The following CEP295 variants were observed in gnomAD, a reference collection of about 807,000 sequenced individuals.
CEP295 encodes centrosomal protein 295.
Under a neutral mutation model 291.6 loss-of-function variants are expected in CEP295, and 190 were observed. That is an observed-to-expected ratio of 0.65 (90% CI 0.58 to 0.73). The LOEUF (loss-of-function observed/expected upper bound fraction) is 0.73. Among genes scored for constraint, CEP295 ranks in the 30% least tolerant of loss-of-function variants. The probability of loss-of-function intolerance (pLI) is 0.00; values close to 1 mark genes in which losing one functional copy is unlikely to be tolerated. For missense variants in CEP295, 2,863 were observed against 2,949.4 expected (o/e 0.97, Z 0.68); for synonymous variants, 993 against 1,038.8 (o/e 0.96, Z 0.85).
rs892553139 is a variant in CEP295, at chr11:93,729,399, A to G, written c.7303-35A>G. 2.1e-5 allele frequency: 30 copies of G among 1,429,620 alleles called. No individual in the cohort carries two copies. The East Asian group carries it at 7.5e-4, about 36-fold the overall frequency. The allele number at this position is 1,429,620 out of a possible 1,614,324, so 88.6% of individuals were successfully genotyped here. On this transcript the variant is annotated intron_variant, in intron 25 of 29. Transcript: ENST00000325212. Reference sequence around the variant, plus strand: ...AGAGCAAGACCCGCTTAAAGCGTTTAAAAAGAGTAAAACATGCAACTTTCT... The same window carrying G: ...AGAGCAAGACCCGCTTAAAGCGTTTGAAAAGAGTAAAACATGCAACTTTCT...
Position 93,698,180 on chromosome 11 carries a change from G to A in CEP295, c.3268G>A (p.Gly1090Arg). ...ELLLHRQRDL[G>R]DSKSGLVSSS... is the part of the protein sequence containing the mutation. ...ACTTTTACATAGACAAAGAGATTTG[G>A]GGGACAGTAAGTCTGGGCTGGTGAG... is the stretch of plus-strand genomic sequence containing the variant. Residue 1090 changes from glycine to arginine, a missense_variant, in exon 15 of 30, where the codon GGG becomes AGG. By Grantham distance (125) the Gly-to-Arg change is moderately radical (BLOSUM62 -2). Around this residue, in one of 3 missense-constraint regions of CEP295, gnomAD observed 2,295 missense variants for 2,335.7 expected, o/e 0.98. Coordinates refer to ENST00000325212, the MANE Select transcript of CEP295 (RefSeq NM_033395.2). 1 of 1,552,048 alleles carries A rather than the reference G, an allele frequency of 6.4e-7. No homozygotes were observed. The highest frequency in any genetic ancestry group is 2.0e-5 in the Admixed American group (1 of 51,006).
At chr11:93,688,638 A>C (rs1189653354) in intron 10 of CEP295, among the ~76,000 whole-genome samples, 1 of 152,120 alleles carries the variant, frequency 6.6e-6, no homozygotes, top group Non-Finnish European at 1.5e-5. Context: ...CATCTCCATA[A>C]TGACTAACCA....
At position 93,669,717 on chromosome 11, in the gene CEP295, G is replaced by A; in HGVS notation, c.475G>A (p.Glu159Lys). 1 of 1,550,834 alleles carries A rather than the reference G, an allele frequency of 6.4e-7. No homozygotes were observed. Among genetic ancestry groups the A allele is most frequent in the Non-Finnish European group, 8.7e-7 (1 of 1,146,316 alleles). Residue 159 changes from glutamate (E) to lysine (K), a missense_variant, in exon 5 of 30, where the codon GAG becomes AAG. This residue lies in a region of CEP295 where 554 missense variants were observed against 576.0 expected (regional missense o/e 0.96). Coordinates refer to ENST00000325212, the MANE Select transcript of CEP295 (RefSeq NM_033395.2). ...AAAGGAAGCACTGCTTGTGGAAAAA[G>A]AGAGATCAGCCAAAATTACAAGTCT... ...ARKEALLVEK[E>K]RSAKITSLPP...
intron 16 of CEP295, 60 bp downstream of exon 16, chr11:93,702,697 G>A: frequency 2.5e-5 from 38 of 1,532,140 alleles, no homozygotes; most frequent in Non-Finnish European, 3.3e-5. Flanking sequence ...TTCGTCCCCT[G>A]TAGCTTGCTA....
At chr11:93,705,331 G>C (rs1952444740) in intron 17 of CEP295, among the ~76,000 whole-genome samples, 1 of 152,114 alleles carries the variant, frequency 6.6e-6, no homozygotes, top group African/African-American at 2.4e-5. Flanking sequence ...TATATTTGTG[G>C]TTATTAAAAC....
At chr11:93,722,198 G>A in intron 20 of CEP295, 148 bp downstream of exon 20, 1 of 624,142 alleles carries the variant, frequency 1.6e-6, no homozygotes, top group Non-Finnish European at 2.8e-6. Context: ...GCCAGGCGTG[G>A]TGCCTCACGC....
At position 93,724,288 on chromosome 11, in the gene CEP295, G is replaced by C. The variant is rs2135335299; in HGVS notation, c.6231G>C (p.Gln2077His). 1 of 1,550,388 alleles carries C rather than the reference G, an allele frequency of 6.4e-7. No individual in the cohort carries two copies. Among genetic ancestry groups the C allele is most frequent in the South Asian group, 1.2e-5 (1 of 83,800 alleles). ...LEHIFPNLHHQLFKPLEPHPD... is the reference protein window; with the variant it reads ...LEHIFPNLHHHLFKPLEPHPD... The stretch of plus-strand genomic sequence containing the variant: ...ACATTTTTCCTAATTTGCATCATCA[G>C]CTGTTTAAACCCTTAGAACCACATC... Residue 2077 changes from glutamine to histidine, a missense_variant, in exon 22 of 30, where the codon CAG (glutamine) becomes CAC (histidine). Physicochemically the swap from Gln to His is conservative, Grantham distance 24 (BLOSUM62 0). Transcript: ENST00000325212.
In CEP295 at chr11:93,730,230, G is replaced by C. The variant is rs746325187; in HGVS notation, c.7768-1G>C. The C allele has an allele frequency of 1.3e-6, 2 of 1,551,206 alleles. No homozygotes were observed. Among genetic ancestry groups the C allele is most frequent in the African/African-American group, 1.4e-5 (1 of 73,124 alleles). ...AACTCAAATTTTTATTCCTTCCACA[G>C]AAAACACTAGAGAAACTTCGAGCCA... On this transcript the variant is annotated splice_acceptor_variant, in intron 29 of 29. Transcript: ENST00000325212. LOFTEE classifies it high-confidence loss of function.
intron 24 of CEP295, 198 bp downstream of exon 24, chr11:93,727,835 A>G (rs963272668): frequency 1.6e-5 from 8 of 488,988 alleles, no homozygotes; most frequent in Non-Finnish European, 2.9e-5. Flanking sequence ...ACCTGAAACA[A>G]AATACAAGCA....
Position 93,679,422 on chromosome 11 carries a change from G to A in CEP295, c.635G>A (p.Arg212His), listed in dbSNP as rs934311260. ...TTGATTGACTGCTAGCCAGATGCTC[G>A]TTTGGCTGCTGAAGAGGAAGCTAAA... ...RETDTKRPDA[R>H]LAAEEEAKRL... is the part of the protein sequence containing the mutation. Residue 212 changes from arginine to histidine, a missense_variant, in exon 7 of 30, where the codon CGT becomes CAT. Transcript: ENST00000325212. 1.2e-5 allele frequency: 19 copies of A among 1,548,880 alleles called. No homozygotes were observed. The highest frequency in any genetic ancestry group is 2.5e-5 in the East Asian group (1 of 40,816).
chr11:93,687,626 C>T lies in CEP295; in HGVS notation c.1115-18C>T, dbSNP rs1435139099. ...CAATAGATGCTAAATAAGTTTTTTC[C>T]CTTTTTCTTTCTTTTAGTTCCCTTG... On this transcript the variant is annotated intron_variant, in intron 9 of 29. Coordinates refer to ENST00000325212, the MANE Select transcript of CEP295 (RefSeq NM_033395.2). The T allele has an allele frequency of 2.9e-6, 4 of 1,389,728 alleles. No homozygotes were observed. Among genetic ancestry groups the T allele is most frequent in the African/African-American group, 1.5e-5 (1 of 68,570 alleles). The allele number at this position is 1,389,728 out of a possible 1,614,324, so 86.1% of individuals were successfully genotyped here.
chr11:93,717,814 A>G (rs1230446476), intron 18 of CEP295, among the ~76,000 whole-genome samples: 2 of 152,146 alleles, frequency 1.3e-5, no homozygotes, highest in African/African-American at 2.4e-5. Flanking sequence ...GTTTAACAGA[A>G]CACCAGGGCA....
chr11:93,718,374 A>T (rs1245972353), intron 18 of CEP295, among the ~76,000 whole-genome samples: 2 of 152,252 alleles, frequency 1.3e-5, no homozygotes, highest in Non-Finnish European at 2.9e-5. Flanking sequence ...GCATGGCATG[A>T]AAAGATAGCA....
intron 21 of CEP295, 79 bp downstream of exon 21, chr11:93,723,368 G>C: frequency 1.9e-6 from 2 of 1,064,294 alleles, no homozygotes; most frequent in South Asian, 1.7e-5. Context: ...ATTTTATGCA[G>C]TGATTGTTTG....
rs1952045662 is a variant in CEP295, at chr11:93,699,894, C to T, written c.4982C>T (p.Ala1661Val). 1 of 1,551,872 alleles carries T rather than the reference C, an allele frequency of 6.4e-7. No homozygotes were observed. Among genetic ancestry groups the T allele is most frequent in the Non-Finnish European group, 8.7e-7 (1 of 1,147,028 alleles). ...CATTCGTTTATTCCACTACCTTTTG[C>T]AGAAGCTAAACCTAAAAGCACTTGT... is the stretch of plus-strand genomic sequence containing the variant. ...TEHSFIPLPF[A>V]EAKPKSTCEL... The change falls in exon 15 of 30, where the codon GCA becomes GTA. Residue 1661 changes from alanine to valine, a missense_variant. Physicochemically the swap from Ala to Val is moderately conservative, Grantham distance 64 (BLOSUM62 0). This residue lies in a region of CEP295 where 2,295 missense variants were observed against 2,335.7 expected (regional missense o/e 0.98). Transcript: ENST00000325212.
At chr11:93,707,731 A>G (rs1952607549) in intron 18 of CEP295, among the ~76,000 whole-genome samples, 1 of 152,142 alleles carries the variant, frequency 6.6e-6, no homozygotes, top group African/African-American at 2.4e-5. Flanking sequence ...CCTGGGCGAC[A>G]GAGCGAGACT....
chr11:93,696,212 T>TA, intron 13 of CEP295, 108 bp from the exon 14 acceptor site: 1 of 622,642 alleles, frequency 1.6e-6, no homozygotes, highest in East Asian at 2.9e-5. Flanking sequence ...AGTCATTTTA[T>TA]AAAAAATAAA....
intron 10 of CEP295, among the ~76,000 whole-genome samples, chr11:93,690,661 C>CA (rs1951483813): frequency 7.5e-6 from 1 of 133,190 alleles, no homozygotes; most frequent in South Asian, 2.4e-4. Flanking sequence ...AAACCAGAGG[C>CA]AGAGCTTGCA....
chr11:93,668,797 T>C lies in CEP295; in HGVS notation c.310-11T>C. Reference sequence around the variant, plus strand: ...GTTTAACATGACATTTTAAGTAATATATATTTTTAGGAACCTGATTTGGAT... The same window carrying C: ...GTTTAACATGACATTTTAAGTAATACATATTTTTAGGAACCTGATTTGGAT... On this transcript the variant is annotated splice_polypyrimidine_tract_variant and intron_variant, in intron 3 of 29. Coordinates refer to ENST00000325212, the MANE Select transcript of CEP295 (RefSeq NM_033395.2). 6 of 1,501,498 alleles carry C rather than the reference T, an allele frequency of 4.0e-6. No individual in the cohort carries two copies. The highest frequency in any genetic ancestry group is 5.3e-6 in the Non-Finnish European group (6 of 1,122,566). The allele number at this position is 1,501,498 out of a possible 1,614,324, so 93.0% of individuals were successfully genotyped here.
Sources: gnomAD v4.1 joint callset for allele counts (sites outside exome capture counted in the v4.1 genomes callset) on GRCh38, gnomAD v4.1.1 for gene constraint, gnomAD v4.1.1 regional missense constraint, MANE v1.5 for transcripts, NCBI Gene and HGNC (gene_info 2026-07-23, HGNC 2026-07-21) for gene names.